GRK6: variants seen among roughly 807,000 people sequenced by gnomAD.
The protein encoded by GRK6 is G protein-coupled receptor kinase 6.
In GRK6, 37 loss-of-function variants were observed where a neutral mutation model predicts 80.8. The ratio of observed to expected loss-of-function variants is 0.46; its 90% CI spans 0.35 to 0.60. The LOEUF is 0.60. Ranked by LOEUF, GRK6 falls within the 20% of genes least tolerant of loss-of-function variation. The probability of loss-of-function intolerance (pLI) is 0.00; values close to 1 mark genes in which losing one functional copy is unlikely to be tolerated. For synonymous variants in GRK6, 295 were observed against 320.9 expected, an observed-to-expected ratio of 0.92 and a Z score of 0.86; for missense variants, 560 against 784.6, an observed-to-expected ratio of 0.71 and a Z score of 3.42.
intron 13 of GRK6, among the ~76,000 whole-genome samples, chr5:177,437,246 C>T (rs141185477): frequency 0.015 from 2,208 of 152,258 alleles, 28 homozygotes; most frequent in Middle Eastern, 0.031. Flanking sequence ...TGAGCCATCG[C>T]GCCTGCCCTT....
rs1233450801 is a variant in GRK6, at chr5:177,430,854, G to A, written c.53-18G>A. 5.0e-6 allele frequency: 8 copies of A among 1,612,126 alleles called. No individual in the cohort carries two copies. Among genetic ancestry groups the A allele is most frequent in the Non-Finnish European group, 6.8e-6 (8 of 1,178,370 alleles). On this transcript the variant is annotated intron_variant, in intron 1 of 15. Transcript: ENST00000355472. ...GAGGCAGTGGGACTCGAGACCCAGT[G>A]TCCTATTGCTCCCACAGGTGGCGGT...
chr5:177,436,334 T>TGCCCACC, intron 12 of GRK6, 53 bp downstream of exon 12: 1 of 1,556,034 alleles, frequency 6.4e-7, no homozygotes, highest in Non-Finnish European at 8.8e-7. Flanking sequence ...GATGCACCTT[T>TGCCCACC]CCCTCCCTCC....
rs1561655403 is a variant in GRK6 at position 177,433,684 on chromosome 5, C to T, written c.738+8C>T. The T allele has an allele frequency of 6.2e-7, 1 of 1,613,740 alleles. No homozygotes were observed. The highest frequency in any genetic ancestry group is 2.2e-5 in the East Asian group (1 of 44,874). ...GTGAACAGTAGGTTTGTAGTAAGTA[C>T]AGAAGGAGACTCTCCCTTCCCCTTG... is the stretch of plus-strand genomic sequence containing the variant. On this transcript the variant is annotated splice_region_variant and intron_variant, in intron 8 of 15. Coordinates refer to ENST00000355472, the MANE Select transcript of GRK6 (RefSeq NM_001004106.3).
At position 177,433,630 on chromosome 5, in the gene GRK6, C is replaced by T. The variant is rs763068007; in HGVS notation, c.692C>T (p.Ala231Val). The change falls in exon 8 of 16, where the codon GCG becomes GTG. Residue 231 changes from alanine (A) to valine (V), a missense_variant. Ala to Val is a moderately conservative substitution (Grantham distance 64). This residue lies in a region of GRK6 where 77 missense variants were observed against 156.9 expected (regional missense o/e 0.49). Coordinates refer to ENST00000355472, the MANE Select transcript of GRK6 (RefSeq NM_001004106.3). Reference protein sequence around the residue: ...RIKKRKGEAMALNEKQILEKV... With the variant: ...RIKKRKGEAMVLNEKQILEKV... ...AAGAAGCGGAAAGGGGAGGCCATGG[C>T]GCTGAACGAGAAGCAGATCCTGGAG... 10 of 1,614,106 alleles carry T rather than the reference C, an allele frequency of 6.2e-6. No homozygotes were observed. Among genetic ancestry groups the T allele is most frequent in the Non-Finnish European group, 7.6e-6 (9 of 1,180,016 alleles).
intron 1 of GRK6, 25 bp downstream of exon 1, chr5:177,426,922 G>A: frequency 7.5e-7 from 1 of 1,341,716 alleles, no homozygotes; most frequent in Non-Finnish European, 9.6e-7. Context: ...TGGGCGGCCG[G>A]GCCCGGGTGC....
chr5:177,436,642 A>G, intron 13 of GRK6, 112 bp downstream of exon 13: 1 of 1,020,484 alleles, frequency 9.8e-7, no homozygotes, highest in Non-Finnish European at 1.4e-6. Context: ...AAAACAATCT[A>G]GTGGCTTAGC....
intron 13 of GRK6, among the ~76,000 whole-genome samples, 174 bp from the exon 14 acceptor site, chr5:177,440,526 G>T (rs575597630): frequency 6.6e-6 from 1 of 152,388 alleles, no homozygotes; most frequent in East Asian, 1.9e-4. Context: ...ACCAGGCTTC[G>T]GAGAGAAGGG....
Position 177,440,958 on chromosome 5 carries a change from G to A in GRK6, c.1582G>A (p.Gly528Arg). The A allele has an allele frequency of 1.2e-6, 2 of 1,613,990 alleles. No individual in the cohort carries two copies. Among genetic ancestry groups the A allele is most frequent in the African/African-American group, 1.3e-5 (1 of 75,048 alleles). Residue 528 changes from glycine to arginine, a missense_variant, in exon 15 of 16, where the codon GGG becomes AGG. Gly to Arg is a moderately radical substitution (Grantham distance 125). This residue lies in a region of GRK6 where 294 missense variants were observed against 397.4 expected (regional missense o/e 0.74). Transcript: ENST00000355472. ...TECFQELNVF[G>R]LDGSVPPDLD... is the part of the protein sequence containing the mutation. ...GTGCTTCCAAGAGCTGAATGTCTTT[G>A]GGCTGGATGGCTCAGTTCCCCCAGA...
chr5:177,428,439 C>CT lies in GRK6; in HGVS notation c.52+1550dup, dbSNP rs1268094399. Among the ~76,000 whole-genome samples the CT allele has an allele frequency of 1.3e-5, 2 of 152,066 alleles. No homozygotes were observed. Among genetic ancestry groups the CT allele is most frequent in the Admixed American group, 6.6e-5 (1 of 15,256 alleles). ...GGCTCTGCCCCTCCCACCTGCATGGCTTTTTTTTGAGACAGAGTCTCACTG... is the reference window on the plus strand; with the variant it reads ...GGCTCTGCCCCTCCCACCTGCATGGCTTTTTTTTTGAGACAGAGTCTCACTG... On this transcript the variant is annotated intron_variant, in intron 1 of 15. Transcript: ENST00000355472. This position sits in a 1 kb window ranked among gnomAD's most constrained non-coding sequence, Gnocchi z 4.1.
At position 177,442,064 on chromosome 5, in the gene GRK6, G is replaced by T. The variant is rs1377751948; in HGVS notation, c.*274G>T. 37 of 456,844 alleles carry T rather than the reference G, an allele frequency of 8.1e-5. No individual in the cohort carries two copies. In the East Asian group the frequency reaches 1.3e-3, roughly 16 times the overall value. The allele number at this position is 456,844 out of a possible 1,614,324, so 28.3% of individuals were successfully genotyped here. A position where few individuals can be genotyped will look rare whatever the true frequency, so the allele number is the denominator to read the frequency against. On this transcript the variant is annotated 3_prime_UTR_variant, in exon 16 of 16. Coordinates refer to ENST00000355472, the MANE Select transcript of GRK6 (RefSeq NM_001004106.3). ...ATGTATTTGTACGAATGTATATAGC[G>T]ACCAGAGCATTCTTAATTCCCGCCG...
intron 2 of GRK6, among the ~76,000 whole-genome samples, chr5:177,431,323 C>G (rs917358779): frequency 5.3e-5 from 8 of 152,178 alleles, no homozygotes; most frequent in African/African-American, 1.9e-4. Context: ...CTTGGGACCC[C>G]CAGGCTGGGG....
chr5:177,438,096 C>T (rs192888699), intron 13 of GRK6, among the ~76,000 whole-genome samples: 2 of 152,236 alleles, frequency 1.3e-5, no homozygotes, highest in Admixed American at 6.5e-5. Flanking sequence ...CGGCTGGGTG[C>T]GGTGGCTCAC....
Position 177,440,848 on chromosome 5 carries a change from G to A in GRK6, c.1542+11G>A. ...CCCTGGCAGAACGAGGTGGGGGCCTGCCCTGCTGGTGGGGTGGGCTCCAGG... is the reference window on the plus strand; with the variant it reads ...CCCTGGCAGAACGAGGTGGGGGCCTACCCTGCTGGTGGGGTGGGCTCCAGG... On this transcript the variant is annotated intron_variant, in intron 14 of 15. Coordinates refer to ENST00000355472, the MANE Select transcript of GRK6 (RefSeq NM_001004106.3). 6.2e-7 allele frequency: 1 copy of A among 1,613,894 alleles called. No homozygotes were observed. Among genetic ancestry groups the A allele is most frequent in the Non-Finnish European group, 8.5e-7 (1 of 1,179,938 alleles).
chr5:177,441,917 T>A lies in GRK6; in HGVS notation c.*127T>A. Reference sequence around the variant, plus strand: ...GGCCTGGGGAACACAGACGGAGCTGTCCCCAGTGTCCTCCGTCCCTCAGCC... The same window carrying A: ...GGCCTGGGGAACACAGACGGAGCTGACCCCAGTGTCCTCCGTCCCTCAGCC... On this transcript the variant is annotated 3_prime_UTR_variant, in exon 16 of 16. Coordinates refer to ENST00000355472, the MANE Select transcript of GRK6 (RefSeq NM_001004106.3). 1.2e-6 allele frequency: 1 copy of A among 847,806 alleles called. No homozygotes were observed. Among genetic ancestry groups the A allele is most frequent in the East Asian group, 2.6e-5 (1 of 38,292 alleles). 52.5% of individuals were successfully genotyped at this position (847,806 alleles called of 1,614,324 possible).
chr5:177,434,813 C>T (rs1764068840), intron 9 of GRK6, 89 bp from the exon 10 acceptor site: 5 of 1,466,152 alleles, frequency 3.4e-6, no homozygotes, highest in Non-Finnish European at 4.8e-6. Flanking sequence ...CACACCTGGC[C>T]CCCGGAGGCG....
intron 13 of GRK6, among the ~76,000 whole-genome samples, chr5:177,437,116 G>A (rs1410324485): frequency 2.6e-5 from 4 of 151,914 alleles, no homozygotes; most frequent in East Asian, 1.9e-4. Flanking sequence ...CACCATGCCC[G>A]GCTAATTTTT....
rs1763686893 is a variant in GRK6, at chr5:177,426,714, G to C, written c.-132G>C. The C allele has an allele frequency of 3.0e-6, 1 of 334,302 alleles. No individual in the cohort carries two copies. The highest frequency in any genetic ancestry group is 2.2e-5 in the African/African-American group (1 of 44,612). 20.7% of individuals were successfully genotyped at this position (334,302 alleles called of 1,614,324 possible). A position where few individuals can be genotyped will look rare whatever the true frequency, so the allele number is the denominator to read the frequency against. ...CTGGCTGCGGCGGCCGGGGAGGCCG[G>C]GGAGGCCGCGGCGCGGTCACTGCGA... On this transcript the variant is annotated 5_prime_UTR_variant, in exon 1 of 16. Coordinates refer to ENST00000355472, the MANE Select transcript of GRK6 (RefSeq NM_001004106.3).
At position 177,426,736 on chromosome 5, in the gene GRK6, GCGAGCCGAGC is replaced by G. The variant is rs1252146164; in HGVS notation, c.-102_-93del. Reference sequence around the variant, plus strand: ...CCGGGGAGGCCGCGGCGCGGTCACTGCGAGCCGAGCCGAGCCGCGCCGAGCCGCGCCGATC... The same window carrying G: ...CCGGGGAGGCCGCGGCGCGGTCACTGCGAGCCGCGCCGAGCCGCGCCGATC... On this transcript the variant is annotated 5_prime_UTR_variant, in exon 1 of 16. Coordinates refer to ENST00000355472, the MANE Select transcript of GRK6 (RefSeq NM_001004106.3). The G allele has an allele frequency of 1.8e-6, 1 of 549,270 alleles. No homozygotes were observed. The highest frequency in any genetic ancestry group is 6.5e-5 in the Admixed American group (1 of 15,376). 34.0% of individuals were successfully genotyped at this position (549,270 alleles called of 1,614,324 possible).
Position 177,435,966 on chromosome 5 carries a change from C to G in GRK6, c.1058-107C>G, listed in dbSNP as rs1764126864. On this transcript the variant is annotated intron_variant, in intron 11 of 15. Transcript: ENST00000355472. The stretch of plus-strand genomic sequence containing the variant: ...CCTACTGGCCAAGGTCCCCCCTGGC[C>G]AGCGGGTGTGAGTGTATCCCAGACC... 5.4e-6 allele frequency: 5 copies of G among 931,358 alleles called. No individual in the cohort carries two copies. The South Asian group carries it at 7.8e-5, about 14-fold the overall frequency. 57.7% of individuals were successfully genotyped at this position (931,358 alleles called of 1,614,324 possible).
Sources: allele counts gnomAD v4.1 joint callset (sites outside exome capture counted in the v4.1 genomes callset), GRCh38; gene constraint gnomAD v4.1.1; regional missense constraint gnomAD v4.1.1; non-coding constraint Gnocchi (gnomAD v3.1); transcripts MANE v1.5; gene names NCBI Gene and HGNC (gene_info 2026-07-23, HGNC 2026-07-21).